The following GRAMD1B variants were observed in gnomAD, a reference collection of about 807,000 sequenced individuals.
GRAMD1B encodes the protein GRAM domain containing 1B.
Under a neutral mutation model 99.7 loss-of-function variants are expected in GRAMD1B, and 37 were observed. The observed-to-expected ratio is 0.37, with a 90% CI of 0.29 to 0.49. The LOEUF (loss-of-function observed/expected upper bound fraction) is 0.49, where lower values mean the gene tolerates loss of function less well. GRAMD1B is among the 20% of genes least tolerant of loss of function. The probability of loss-of-function intolerance (pLI) is 0.98; values close to 1 mark genes in which losing one functional copy is unlikely to be tolerated. For missense variants in GRAMD1B, 888 were observed against 1,009.2 expected (o/e 0.88, Z 1.63); for synonymous variants, 427 against 387.6 (o/e 1.10, Z -1.19).
intron 2 of GRAMD1B, among the ~76,000 whole-genome samples, chr11:123,570,726 G>A (rs1040228603): frequency 6.6e-6 from 1 of 152,190 alleles, no homozygotes; most frequent in African/African-American, 2.4e-5. Flanking sequence ...ACCCAGCCAA[G>A]AGCCTTCTTA....
chr11:123,553,062 C>G (rs1945786209), intron 2 of GRAMD1B, among the ~76,000 whole-genome samples: 1 of 152,122 alleles, frequency 6.6e-6, no homozygotes, highest in Admixed American at 6.5e-5. Flanking sequence ...ACTTGGAGAT[C>G]CTTCAAAAGC....
chr11:123,608,461 A>C (rs1953041465), intron 11 of GRAMD1B, 198 bp from the exon 12 acceptor site: 2 of 1,511,112 alleles, frequency 1.3e-6, no homozygotes, highest in Non-Finnish European at 1.8e-6. Context: ...AATGGTGTGC[A>C]TCCCAGCAAA....
intron 1 of GRAMD1B, among the ~76,000 whole-genome samples, chr11:123,437,158 G>A (rs1810353471): frequency 2.0e-5 from 3 of 152,230 alleles, no homozygotes; most frequent in Admixed American, 2.0e-4. Flanking sequence ...TATCAAGATG[G>A]CACAATTTTT....
intron 1 of GRAMD1B, among the ~76,000 whole-genome samples, chr11:123,410,919 G>A (rs1197829524): frequency 6.6e-6 from 1 of 152,020 alleles, no homozygotes; most frequent in African/African-American, 2.4e-5. Flanking sequence ...CTAATGGTTT[G>A]AGAAAATGGA....
At chr11:123,483,349 T>C (rs1047065460) in intron 2 of GRAMD1B, among the ~76,000 whole-genome samples, 4 of 151,992 alleles carry the variant, frequency 2.6e-5, no homozygotes, top group Admixed American at 6.6e-5. Flanking sequence ...AATTTGAAAC[T>C]GATGAACTGT....
At chr11:123,386,114 C>G (rs1947048859) in intron 1 of GRAMD1B, among the ~76,000 whole-genome samples, 2 of 152,196 alleles carry the variant, frequency 1.3e-5, no homozygotes, top group African/African-American at 2.4e-5. Flanking sequence ...TATTAAACCT[C>G]TCTCCACATC....
intron 19 of GRAMD1B, 146 bp from the exon 20 acceptor site, chr11:123,622,360 C>A: frequency 1.6e-6 from 1 of 610,572 alleles, no homozygotes; most frequent in South Asian, 1.7e-5. Context: ...TGTTGAGAAC[C>A]ACCCTTGCTT....
intron 1 of GRAMD1B, among the ~76,000 whole-genome samples, chr11:123,388,427 C>T (rs1435683982): frequency 1.3e-5 from 2 of 151,634 alleles, no homozygotes; most frequent in Non-Finnish European, 2.9e-5. Flanking sequence ...AATCCCAGAA[C>T]TTTGGGAGGC....
upstream of GRAMD1B, among the ~76,000 whole-genome samples, chr11:123,430,096 T>C (rs964109285): frequency 6.6e-6 from 1 of 152,078 alleles, no homozygotes; most frequent in African/African-American, 2.4e-5. Flanking sequence ...GTAGGCTGAT[T>C]GGAGCAGCCT....
chr11:123,591,557 A>C lies in GRAMD1B; in HGVS notation c.685-2525A>C, dbSNP rs1393882197. 4 of 398,646 alleles carry C rather than the reference A, an allele frequency of 1.0e-5. No homozygotes were observed. The highest frequency in any genetic ancestry group is 6.2e-4 in the Middle Eastern group (1 of 1,612). The allele number at this position is 398,646 out of a possible 1,614,324, so 24.7% of individuals were successfully genotyped here. ...AATCCCAGCCGTGAGTGTGTGACTC[A>C]GTTTCTCTGAGTCTCTGTGGTAGTT... On this transcript the variant is annotated intron_variant, in intron 4 of 19. Transcript: ENST00000635736. The surrounding 1 kb of genome is among the most constrained non-coding windows in gnomAD (Gnocchi z 4.7).
chr11:123,456,919 CAAAAAAAA>C (rs546768047), intron 1 of GRAMD1B, among the ~76,000 whole-genome samples: 3 of 81,806 alleles, frequency 3.7e-5, no homozygotes, highest in Admixed American at 1.5e-4. Flanking sequence ...GACTCTGTCT[CAAAAAAAA>C]AAAAAAAAAA....
At chr11:123,364,713 C>G (rs576172532) in intron 1 of GRAMD1B, among the ~76,000 whole-genome samples, 11 of 152,122 alleles carry the variant, frequency 7.2e-5, no homozygotes. Context: ...CTCAGCCATG[C>G]TCCAGAGTTG....
intron 1 of GRAMD1B, among the ~76,000 whole-genome samples, chr11:123,369,729 G>C (rs1946456625): frequency 6.6e-6 from 1 of 151,564 alleles, no homozygotes; most frequent in Non-Finnish European, 1.5e-5. Flanking sequence ...AAAATTAGCT[G>C]GGTGTGCTGG....
rs773086921 is a variant in GRAMD1B, at chr11:123,614,760, G to A, written c.2243G>A (p.Arg748Gln). 8 of 1,610,180 alleles carry A rather than the reference G, an allele frequency of 5.0e-6. No individual in the cohort carries two copies. Among genetic ancestry groups the A allele is most frequent in the African/African-American group, 1.3e-5 (1 of 74,924 alleles). Reference sequence around the variant, plus strand: ...CTCCCCACAGGTTCCACACAGACGCGGCATATCCCGGAGGACACCCCCAAC... The same window carrying A: ...CTCCCCACAGGTTCCACACAGACGCAGCATATCCCGGAGGACACCCCCAAC... ...IKHVAGSTQT[R>Q]HIPEDTPNGF... The change falls in exon 17 of 20, where the codon CGG becomes CAG. Residue 748 changes from arginine (R) to glutamine (Q), a missense_variant. By Grantham distance (43) the Arg-to-Gln change is conservative. Around this residue, in one of 5 missense-constraint regions of GRAMD1B, gnomAD observed 232 missense variants for 261.7 expected, o/e 0.89. Coordinates refer to ENST00000635736, the MANE Select transcript of GRAMD1B (RefSeq NM_001387025.1).
At chr11:123,618,297 G>A in intron 17 of GRAMD1B, 6 of 1,581,462 alleles carry the variant, frequency 3.8e-6, no homozygotes, top group Non-Finnish European at 5.2e-6. Flanking sequence ...ACACTTGCCT[G>A]TTTCTAACCT....
At chr11:123,550,506 C>T (rs1425367254) in intron 2 of GRAMD1B, among the ~76,000 whole-genome samples, 4 of 152,300 alleles carry the variant, frequency 2.6e-5, no homozygotes, top group South Asian at 2.1e-4. Flanking sequence ...GTTTTCACGC[C>T]GTGAGCCCTG....
intron 2 of GRAMD1B, among the ~76,000 whole-genome samples, chr11:123,506,704 T>A (rs1191643346): frequency 6.6e-6 from 1 of 152,142 alleles, no homozygotes; most frequent in Non-Finnish European, 1.5e-5. Context: ...GCAGCAGAGG[T>A]AGGGATTCAA....
At chr11:123,418,993 C>A (rs1161581369) in intron 1 of GRAMD1B, among the ~76,000 whole-genome samples, 1 of 152,174 alleles carries the variant, frequency 6.6e-6, no homozygotes, top group Non-Finnish European at 1.5e-5. Context: ...ACATGCACAT[C>A]ACTAATTGCG....
intron 7 of GRAMD1B, among the ~76,000 whole-genome samples, chr11:123,597,256 CTTTTTTTTTTT>C (rs71060518): frequency 1.3e-4 from 10 of 76,570 alleles, no homozygotes; most frequent in South Asian, 4.6e-4. Flanking sequence ...GCCACTATGC[CTTTTTTTTTTT>C]TTTTTTTTTT....
Sources: allele counts gnomAD v4.1 joint callset (sites outside exome capture counted in the v4.1 genomes callset), GRCh38; gene constraint gnomAD v4.1.1; regional missense constraint gnomAD v4.1.1; non-coding constraint Gnocchi (gnomAD v3.1); transcripts MANE v1.5; gene names NCBI Gene and HGNC (gene_info 2026-07-23, HGNC 2026-07-21).